Variants in MAGI1 observed in about 807,000 individuals in gnomAD.
The protein encoded by MAGI1 is membrane associated guanylate kinase, WW and PDZ domain containing 1.
Under a neutral mutation model 139.9 loss-of-function variants are expected in MAGI1, and 58 were observed. The observed-to-expected ratio is 0.41, with a 90% CI of 0.34 to 0.52. MAGI1 has a LOEUF of 0.52. MAGI1 is among the 20% of genes least tolerant of loss of function. The pLI, the probability that MAGI1 is intolerant of heterozygous loss-of-function variation, is 0.12. For missense variants in MAGI1, 1,874 were observed against 1,901.6 expected (o/e 0.99, Z 0.27); for synonymous variants, 812 against 737.9 (o/e 1.10, Z -1.63).
At chr3:65,555,971 C>T (rs1363061127) in intron 2 of MAGI1, among the ~76,000 whole-genome samples, 1 of 152,138 alleles carries the variant, frequency 6.6e-6, no homozygotes, top group African/African-American at 2.4e-5. Context: ...TTGGTCTCTG[C>T]GGACTCTCAA....
chr3:65,775,942 T>TAAA (rs11371013), intron 1 of MAGI1, among the ~76,000 whole-genome samples: 3 of 143,916 alleles, frequency 2.1e-5, no homozygotes, highest in East Asian at 2.0e-4. Context: ...ACCCTGTCTT[T>TAAA]AAAAAAAAAA....
At chr3:65,376,651 G>A (rs559064405) in intron 17 of MAGI1, among the ~76,000 whole-genome samples, 3 of 152,258 alleles carry the variant, frequency 2.0e-5, no homozygotes, top group East Asian at 3.9e-4. Flanking sequence ...CTTTCAGAGC[G>A]TGGCCTGACT....
intron 1 of MAGI1, among the ~76,000 whole-genome samples, chr3:65,690,640 A>ATTTT (rs78131210): frequency 0.12 from 15,547 of 130,240 alleles, 1,511 homozygotes; most frequent in East Asian, 0.42. Flanking sequence ...TGTATTTTTA[A>ATTTT]TTTTTTTTTT....
chr3:65,472,791 G>C (rs1175961654), intron 4 of MAGI1, among the ~76,000 whole-genome samples: 1 of 152,130 alleles, frequency 6.6e-6, no homozygotes, highest in Admixed American at 6.5e-5. Context: ...AGTGGACTTG[G>C]GGTTGCCAAA....
At position 65,356,474 on chromosome 3, in the gene MAGI1, C is replaced by T. The variant is rs757302518; in HGVS notation, c.4293G>A (p.Glu1431=). Residue 1431 remains glutamate (E), a synonymous_variant, in exon 23 of 23, where the codon GAG becomes GAA. Transcript: ENST00000402939. ...EDRASHRERE[E]ANLKQDAGRS... is the part of the protein sequence containing the mutation. The stretch of plus-strand genomic sequence containing the variant: ...TGCCGGCATCCTGTTTCAGATTCGC[C>T]TCTTCCCTTTCTCGGTGGCTGGCTC... The T allele has an allele frequency of 6.2e-7, 1 of 1,611,932 alleles. No homozygotes were observed. Among genetic ancestry groups the T allele is most frequent in the Non-Finnish European group, 8.5e-7 (1 of 1,179,998 alleles).
chr3:65,464,079 G>A (rs1380068899), intron 5 of MAGI1, among the ~76,000 whole-genome samples: 1 of 151,422 alleles, frequency 6.6e-6, no homozygotes, highest in South Asian at 2.1e-4. Context: ...ATGACTTTAG[G>A]GTCCATAGTG....
chr3:65,918,379 A>ATCT (rs2062009341), intron 1 of MAGI1, among the ~76,000 whole-genome samples: 2 of 128,694 alleles, frequency 1.6e-5, no homozygotes, highest in Middle Eastern at 9.1e-3. Context: ...GCTCCAAAAC[A>ATCT]TTTTTTTTTT....
chr3:65,725,029 C>T (rs2107704324), intron 1 of MAGI1, among the ~76,000 whole-genome samples: 1 of 152,306 alleles, frequency 6.6e-6, no homozygotes, highest in Non-Finnish European at 1.5e-5. Flanking sequence ...AAAATCCCAG[C>T]TGAAATCTCT....
chr3:65,877,875 G>A (rs1575812122), intron 1 of MAGI1, among the ~76,000 whole-genome samples: 1 of 152,080 alleles, frequency 6.6e-6, no homozygotes, highest in African/African-American at 2.4e-5. Context: ...GGGAAGTCAA[G>A]GTAGGAGGAC....
chr3:65,445,645 A>G (rs1249528849), intron 7 of MAGI1, among the ~76,000 whole-genome samples: 1 of 152,216 alleles, frequency 6.6e-6, no homozygotes, highest in African/African-American at 2.4e-5. Context: ...TGGATACCCT[A>G]TAATTCCAAA....
Position 65,391,125 on chromosome 3 carries a change from GC to G in MAGI1, c.2416+16del, listed in dbSNP as rs1559517565. ...GCGGAGGGGTCAGGGTAAGACAGAG[GC>G]CAGGATGCTACTCACGTCGGTTTTC... On this transcript the variant is annotated intron_variant, in intron 14 of 22. Transcript: ENST00000402939. 22 of 1,610,024 alleles carry G rather than the reference GC, an allele frequency of 1.4e-5. No individual in the cohort carries two copies. The South Asian group carries it at 2.2e-4, about 16-fold the overall frequency.
intron 1 of MAGI1, among the ~76,000 whole-genome samples, chr3:65,809,443 C>T (rs1406058577): frequency 6.6e-6 from 1 of 152,166 alleles, no homozygotes; most frequent in Non-Finnish European, 1.5e-5. Flanking sequence ...AGAAATAATA[C>T]TGCTTACCCA....
chr3:65,946,006 C>T (rs1224520388), intron 1 of MAGI1, among the ~76,000 whole-genome samples: 1 of 152,150 alleles, frequency 6.6e-6, no homozygotes, highest in East Asian at 1.9e-4. Context: ...GAAAAAAAAT[C>T]AAGAGCCAAC....
chr3:65,979,092 C>CCCCCG (rs1553742266), intron 1 of MAGI1, among the ~76,000 whole-genome samples: 2 of 52,328 alleles, frequency 3.8e-5, no homozygotes, highest in Non-Finnish European at 8.9e-5. Context: ...TTTTCTTCCC[C>CCCCCG]CCCCCCGCCA....
At chr3:65,925,296 C>A (rs1163759931) in intron 1 of MAGI1, 1 of 152,088 alleles carries the variant, frequency 6.6e-6, no homozygotes, top group African/African-American at 2.4e-5. Flanking sequence ...GGCCTCAGTG[C>A]AGGTAGTGTT....
chr3:65,877,566 C>CATGAA (rs1449783001), intron 1 of MAGI1, among the ~76,000 whole-genome samples: 1 of 152,130 alleles, frequency 6.6e-6, no homozygotes, highest in African/African-American at 2.4e-5. Flanking sequence ...AGCTCTCAGA[C>CATGAA]ATGAAATCAG....
intron 1 of MAGI1, among the ~76,000 whole-genome samples, chr3:65,979,531 C>T (rs147019832): frequency 9.2e-5 from 14 of 152,258 alleles, no homozygotes; most frequent in African/African-American, 3.4e-4. Flanking sequence ...TGTTGTCTTG[C>T]TTCAGGGAAT....
intron 2 of MAGI1, among the ~76,000 whole-genome samples, chr3:65,557,849 A>G (rs2080159089): frequency 6.6e-6 from 1 of 152,284 alleles, no homozygotes; most frequent in Non-Finnish European, 1.5e-5. Context: ...TGCTTTTGGT[A>G]GGGAGTTAAC....
intron 2 of MAGI1, among the ~76,000 whole-genome samples, chr3:65,605,654 A>G (rs2082704547): frequency 6.6e-6 from 1 of 152,188 alleles, no homozygotes; most frequent in Admixed American, 6.5e-5. Flanking sequence ...TTCAGCAGAT[A>G]AGAGTTAATG....
Sources: allele counts gnomAD v4.1 joint callset (sites outside exome capture counted in the v4.1 genomes callset), GRCh38; gene constraint gnomAD v4.1.1; transcripts MANE v1.5; gene names NCBI Gene and HGNC (gene_info 2026-07-23, HGNC 2026-07-21).